The following ANKRD6 variants were observed in gnomAD, a reference collection of about 807,000 sequenced individuals.
ANKRD6 encodes ankyrin repeat domain-containing protein 6.
ANKRD6 carries 56 observed loss-of-function variants against 82.3 expected under a neutral mutation model. The ratio of observed to expected loss-of-function variants is 0.68; its 90% confidence interval spans 0.55 to 0.85. ANKRD6 has a LOEUF of 0.85. Ranked by LOEUF, ANKRD6 falls within the 40% of genes least tolerant of loss-of-function variation. The pLI is 0.00. For synonymous variants in ANKRD6, 347 were observed against 352.1 expected (o/e 0.99, Z 0.16); for missense variants, 852 against 907.6 (o/e 0.94, Z 0.79).
rs1212475670 is a variant in ANKRD6 at position 89,631,041 on chromosome 6, A to C, written c.*37A>C. 3.4e-6 allele frequency: 5 copies of C among 1,465,366 alleles called. No homozygotes were observed. The highest frequency in any genetic ancestry group is 1.4e-5 in the South Asian group (1 of 69,128). The allele number at this position is 1,465,366 out of a possible 1,614,324, so 90.8% of individuals were successfully genotyped here. A position where few individuals can be genotyped will look rare whatever the true frequency, so the allele number is the denominator to read the frequency against. On this transcript the variant is annotated 3_prime_UTR_variant, in exon 16 of 16. Transcript: ENST00000339746. ...AGGAAATATGAAAGGATTCTTGAAGATTTCCAGTTTTGCAACTGCATAATA... is the reference window on the plus strand; with the variant it reads ...AGGAAATATGAAAGGATTCTTGAAGCTTTCCAGTTTTGCAACTGCATAATA...
At chr6:89,606,648 G>A (rs540304932) in intron 5 of ANKRD6, among the ~76,000 whole-genome samples, 1 of 152,266 alleles carries the variant, frequency 6.6e-6, no homozygotes, top group East Asian at 1.9e-4. Context: ...CTGAGGTCAA[G>A]GGTTTGAGAC....
chr6:89,512,556 G>A (rs1386808382), intron 1 of ANKRD6, among the ~76,000 whole-genome samples: 1 of 152,216 alleles, frequency 6.6e-6, no homozygotes, highest in African/African-American at 2.4e-5. Context: ...AGCCTGGAGT[G>A]TGGGGCTGTG....
At chr6:89,455,905 C>G (rs577127224) in intron 1 of ANKRD6, among the ~76,000 whole-genome samples, 1 of 151,570 alleles carries the variant, frequency 6.6e-6, no homozygotes, top group African/African-American at 2.4e-5. Context: ...GAGATGGAAT[C>G]TTGCTCTGTT....
chr6:89,491,852 T>C (rs895368771), intron 1 of ANKRD6, among the ~76,000 whole-genome samples: 1 of 151,968 alleles, frequency 6.6e-6, no homozygotes. Context: ...AAGAATGTAA[T>C]TCTCCCTGAA....
chr6:89,484,649 C>T (rs1054310451), intron 1 of ANKRD6, among the ~76,000 whole-genome samples: 12 of 152,136 alleles, frequency 7.9e-5, no homozygotes, highest in African/African-American at 2.9e-4. Flanking sequence ...ATCCTTAAGC[C>T]TTGAATATTC....
At chr6:89,518,779 A>G (rs10944450) in intron 1 of ANKRD6, among the ~76,000 whole-genome samples, 23,322 of 152,182 alleles carry the variant, frequency 0.15, 2,034 homozygotes, top group South Asian at 0.34. Flanking sequence ...TCTTTATCCT[A>G]GAGCTATGGA....
At chr6:89,589,298 G>A (rs1472958424) in intron 2 of ANKRD6, among the ~76,000 whole-genome samples, 2 of 152,148 alleles carry the variant, frequency 1.3e-5, no homozygotes, top group African/African-American at 2.4e-5. Context: ...GCAGTTGACT[G>A]GCTTGTTTCT....
intron 1 of ANKRD6, among the ~76,000 whole-genome samples, chr6:89,451,867 A>G (rs1368505458): frequency 1.3e-5 from 2 of 152,158 alleles, no homozygotes. Context: ...CTTTAATGTC[A>G]GGGACATTTA....
At chr6:89,497,404 G>A (rs1365897164) in intron 1 of ANKRD6, among the ~76,000 whole-genome samples, 1 of 152,128 alleles carries the variant, frequency 6.6e-6, no homozygotes, top group Non-Finnish European at 1.5e-5. Context: ...TAAAGTAGGG[G>A]CTGACTGCTT....
At chr6:89,513,363 C>T (rs1780791338) in intron 1 of ANKRD6, among the ~76,000 whole-genome samples, 1 of 152,152 alleles carries the variant, frequency 6.6e-6, no homozygotes, top group Non-Finnish European at 1.5e-5. Flanking sequence ...TTCCAGTATC[C>T]CCCCTCCCAA....
intron 1 of ANKRD6, among the ~76,000 whole-genome samples, chr6:89,448,084 CTTTAG>C (rs1772331652): frequency 6.6e-6 from 1 of 152,074 alleles, no homozygotes. Context: ...CAACTGATGA[CTTTAG>C]TTGAAGCCAG....
chr6:89,447,854 A>ATTTTTTTTTTTTATTT (rs530068070), intron 1 of ANKRD6, among the ~76,000 whole-genome samples: 1 of 119,010 alleles, frequency 8.4e-6, no homozygotes, highest in African/African-American at 3.5e-5. Context: ...CGCCCAGCTA[A>ATTTTTTTTTTTTATTT]TTTTTTTTTT....
intron 10 of ANKRD6, among the ~76,000 whole-genome samples, chr6:89,622,756 C>T (rs1803970068): frequency 6.6e-6 from 1 of 152,084 alleles, no homozygotes; most frequent in Non-Finnish European, 1.5e-5. Flanking sequence ...TGAGTTCACT[C>T]AGGAGGGAGA....
chr6:89,512,766 T>C (rs960268831), intron 1 of ANKRD6, among the ~76,000 whole-genome samples: 1 of 152,236 alleles, frequency 6.6e-6, no homozygotes, highest in East Asian at 1.9e-4. Context: ...AATCAGATAC[T>C]GATTGGGATA....
At chr6:89,463,262 A>G (rs6941737) in intron 1 of ANKRD6, among the ~76,000 whole-genome samples, 26,287 of 152,066 alleles carry the variant, frequency 0.17, 2,546 homozygotes, top group South Asian at 0.34. Context: ...GCATTTTGTT[A>G]TTAATTTTTT....
intron 5 of ANKRD6, 144 bp downstream of exon 5, chr6:89,606,249 T>C: frequency 1.6e-6 from 1 of 618,352 alleles, no homozygotes; most frequent in South Asian, 2.8e-5. Flanking sequence ...GCCCAGAAGT[T>C]TCATTTGCAG....
intron 1 of ANKRD6, among the ~76,000 whole-genome samples, chr6:89,470,490 G>A (rs1775316037): frequency 6.6e-6 from 1 of 152,144 alleles, no homozygotes; most frequent in Admixed American, 6.5e-5. Flanking sequence ...GCATGGTGAT[G>A]AGTGCCTATA....
intron 2 of ANKRD6, among the ~76,000 whole-genome samples, chr6:89,583,346 G>A (rs193026100): frequency 3.5e-3 from 528 of 152,286 alleles, no homozygotes; most frequent in Non-Finnish European, 5.1e-3. Context: ...CTCAAATATG[G>A]GAAAGCAAAC....
chr6:89,627,636 G>A lies in ANKRD6; in HGVS notation c.1425G>A (p.Glu475=), dbSNP rs1563161797. The change falls in exon 14 of 16, where the codon GAG becomes GAA. Residue 475 remains glutamate (E), a synonymous_variant. Coordinates refer to ENST00000339746, the MANE Select transcript of ANKRD6 (RefSeq NM_001242809.2). ...AGCGACTTTCTGCAGAGAGGACGGAGTGCCTGAACCGCCTGCAACAGCACT... is the reference window on the plus strand; with the variant it reads ...AGCGACTTTCTGCAGAGAGGACGGAATGCCTGAACCGCCTGCAACAGCACT... ...MVERLSAERT[E]CLNRLQQHSD... 2 of 1,613,854 alleles carry A rather than the reference G, an allele frequency of 1.2e-6. No homozygotes were observed. The highest frequency in any genetic ancestry group is 1.7e-6 in the Non-Finnish European group (2 of 1,179,792).
Sources: allele counts gnomAD v4.1 joint callset (sites outside exome capture counted in the v4.1 genomes callset), GRCh38; gene constraint gnomAD v4.1.1; transcripts MANE v1.5; gene names NCBI Gene and HGNC (gene_info 2026-07-23, HGNC 2026-07-21).